PRKG1: variants seen among roughly 807,000 people sequenced by gnomAD.
PRKG1 encodes the protein cGMP-dependent protein kinase 1.
Under a neutral mutation model 88.1 loss-of-function variants are expected in PRKG1, and 35 were observed. That is an observed-to-expected ratio of 0.40 (90% CI 0.30 to 0.53). PRKG1 has a LOEUF of 0.53. Among genes scored for constraint, PRKG1 ranks in the 20% least tolerant of loss-of-function variants. PRKG1 has a pLI of 0.59. For missense variants in PRKG1, 540 were observed against 839.8 expected (o/e 0.64, Z 4.41); for synonymous variants, 303 against 292.5 (o/e 1.04, Z -0.37).
intron 3 of PRKG1, among the ~76,000 whole-genome samples, chr10:51,612,570 A>G (rs1374137725): frequency 6.6e-6 from 1 of 152,028 alleles, no homozygotes; most frequent in Non-Finnish European, 1.5e-5. Flanking sequence ...TCATTTGTAA[A>G]GAGGGACAAT....
intron 2 of PRKG1, among the ~76,000 whole-genome samples, chr10:51,154,391 A>G (rs1484969117): frequency 1.3e-5 from 2 of 151,922 alleles, no homozygotes; most frequent in Non-Finnish European, 2.9e-5. Context: ...ACTGCTCAAA[A>G]GGGTAGCTGC....
At chr10:51,959,036 G>A (rs1158946942) in intron 5 of PRKG1, among the ~76,000 whole-genome samples, 3 of 152,124 alleles carry the variant, frequency 2.0e-5, no homozygotes, top group East Asian at 1.9e-4. Flanking sequence ...AGATGAGTAC[G>A]TGGGGCTTAA....
rs116287063 is a variant in PRKG1, at chr10:51,922,709, G to A, written c.762+15139G>A. 5.4e-3 allele frequency among the ~76,000 whole-genome samples: 817 copies of A among 151,932 alleles called. 7 individuals carry two copies. The highest frequency in any genetic ancestry group is 0.018 in the African/African-American group (768 of 41,516). Reference sequence around the variant, plus strand: ...TTTCCATTACTTTTAGAATTTTCCAGCTTTCTATTATTGATTTCTAATTTA... The same window carrying A: ...TTTCCATTACTTTTAGAATTTTCCAACTTTCTATTATTGATTTCTAATTTA... On this transcript the variant is annotated intron_variant, in intron 5 of 17. Transcript: ENST00000373980.
intron 9 of PRKG1, among the ~76,000 whole-genome samples, chr10:52,167,014 G>A (rs1375820396): frequency 6.6e-6 from 1 of 151,454 alleles, no homozygotes; most frequent in Non-Finnish European, 1.5e-5. Context: ...TACTTATAGT[G>A]CATTTTCAAT....
chr10:51,865,191 A>G (rs1209551417), intron 4 of PRKG1, among the ~76,000 whole-genome samples: 1 of 152,234 alleles, frequency 6.6e-6, no homozygotes, highest in South Asian at 2.1e-4. Flanking sequence ...TGCTTTCAAA[A>G]TGCTATTGTG....
In PRKG1 at chr10:51,674,553, A is replaced by G. The variant is rs769405009; in HGVS notation, c.593-130032A>G. On this transcript the variant is annotated intron_variant, in intron 3 of 17. Coordinates refer to ENST00000373980, the MANE Select transcript of PRKG1 (RefSeq NM_006258.4). ...ATAAACAAGAAATTTGGCAGATTCT[A>G]TTGCTTTTAATTACATTGTGTGGTG... Among the ~76,000 whole-genome samples, 56 of 152,176 alleles carry G rather than the reference A, an allele frequency of 3.7e-4. 1 individual carries two copies. The highest frequency in any genetic ancestry group is 2.1e-4 in the South Asian group (1 of 4,832).
In PRKG1 at chr10:51,790,690, A is replaced by G. The variant is rs143293467; in HGVS notation, c.593-13895A>G. Among the ~76,000 whole-genome samples the G allele has an allele frequency of 1.2e-3, 182 of 152,258 alleles. No individual in the cohort carries two copies. In the Middle Eastern group the frequency reaches 0.02, roughly 17 times the overall value. ...CAACACGTGGTATCACCTTTTTTCT[A>G]GACATCTGATCTTTTGATGTAGAGT... On this transcript the variant is annotated intron_variant, in intron 3 of 17. Coordinates refer to ENST00000373980, the MANE Select transcript of PRKG1 (RefSeq NM_006258.4).
At chr10:51,053,873 C>T (rs1056246095) in intron 1 of PRKG1, among the ~76,000 whole-genome samples, 1 of 151,142 alleles carries the variant, frequency 6.6e-6, no homozygotes, top group African/African-American at 2.4e-5. Context: ...TGGCAACTGA[C>T]TCTTCTCAAC....
chr10:52,132,178 T>C (rs1185768257), intron 7 of PRKG1, among the ~76,000 whole-genome samples: 1 of 152,122 alleles, frequency 6.6e-6, no homozygotes, highest in Non-Finnish European at 1.5e-5. Flanking sequence ...CATGTTCTTA[T>C]ATGGAAAAAG....
chr10:51,276,270 C>T (rs1717483140), intron 2 of PRKG1, among the ~76,000 whole-genome samples: 2 of 152,112 alleles, frequency 1.3e-5, no homozygotes, highest in Admixed American at 1.3e-4. Flanking sequence ...CAGCTTCATC[C>T]ATGTCCCTAC....
intron 2 of PRKG1, among the ~76,000 whole-genome samples, chr10:51,285,507 C>T (rs183783229): frequency 6.6e-6 from 1 of 152,178 alleles, no homozygotes; most frequent in Non-Finnish European, 1.5e-5. Flanking sequence ...AGATATCGCC[C>T]ACAGGCAAAA....
chr10:52,283,958 C>T (rs1048252373), intron 14 of PRKG1, among the ~76,000 whole-genome samples: 1 of 151,818 alleles, frequency 6.6e-6, no homozygotes, highest in African/African-American at 2.4e-5. Flanking sequence ...TTATATTTCT[C>T]CTTAAATGTT....
intron 5 of PRKG1, among the ~76,000 whole-genome samples, chr10:51,962,525 C>T (rs565722416): frequency 3.9e-5 from 6 of 152,176 alleles, no homozygotes; most frequent in Non-Finnish European, 5.9e-5. Context: ...ATATAAGCCA[C>T]GATGGATTTG....
At chr10:51,914,777 C>T (rs1338822126) in intron 5 of PRKG1, among the ~76,000 whole-genome samples, 1 of 152,062 alleles carries the variant, frequency 6.6e-6, no homozygotes, top group African/African-American at 2.4e-5. Context: ...TGATTTGTGT[C>T]CCTGGATGGT....
At chr10:51,210,942 G>A (rs1310452880) in intron 2 of PRKG1, among the ~76,000 whole-genome samples, 1 of 152,126 alleles carries the variant, frequency 6.6e-6, no homozygotes, top group Non-Finnish European at 1.5e-5. Context: ...GAAAAAGAGG[G>A]AATCCTCCCA....
chr10:51,310,647 G>A (rs913575281), intron 2 of PRKG1, among the ~76,000 whole-genome samples: 2 of 151,906 alleles, frequency 1.3e-5, no homozygotes, highest in African/African-American at 4.8e-5. Context: ...TTCCTGTTTA[G>A]CCTTCAGTGT....
intron 6 of PRKG1, among the ~76,000 whole-genome samples, chr10:52,057,087 G>T (rs914782890): frequency 6.6e-6 from 1 of 152,104 alleles, no homozygotes; most frequent in East Asian, 1.9e-4. Flanking sequence ...ATAACCTTGG[G>T]CAAGATCTGT....
At chr10:51,519,864 A>G (rs983924816) in intron 3 of PRKG1, among the ~76,000 whole-genome samples, 3 of 152,240 alleles carry the variant, frequency 2.0e-5, no homozygotes, top group African/African-American at 7.2e-5. Context: ...TACAATGACT[A>G]GATGAGTTCA....
chr10:51,905,977 A>G (rs11000031), intron 4 of PRKG1, among the ~76,000 whole-genome samples: 29,351 of 151,996 alleles, frequency 0.19, 3,150 homozygotes, highest in Admixed American at 0.3. Flanking sequence ...CAAAAATCCA[A>G]TTAATTATCT....
Sources: allele counts gnomAD v4.1 joint callset (sites outside exome capture counted in the v4.1 genomes callset), GRCh38; gene constraint gnomAD v4.1.1; transcripts MANE v1.5; gene names NCBI Gene and HGNC (gene_info 2026-07-23, HGNC 2026-07-21).